The following CEP63 variants were observed in gnomAD, a reference collection of about 807,000 sequenced individuals.
CEP63 encodes the protein centrosomal protein 63.
In CEP63, 84 loss-of-function variants were observed where a neutral mutation model predicts 89.1. The observed-to-expected ratio is 0.94, with a 90% confidence interval of 0.79 to 1.13. The LOEUF (loss-of-function observed/expected upper bound fraction) is 1.13, where lower values mean the gene tolerates loss of function less well. Ranked by LOEUF, CEP63 falls within the 50% of genes most tolerant of loss-of-function variation. The pLI, the probability that CEP63 is intolerant of heterozygous loss-of-function variation, is 0.00. For missense variants in CEP63, 838 were observed against 813.3 expected (o/e 1.03, Z -0.37); for synonymous variants, 267 against 272.5 (o/e 0.98, Z 0.20).
chr3:134,529,154 A>G (rs1191967298), intron 3 of CEP63, among the ~76,000 whole-genome samples: 3 of 152,104 alleles, frequency 2.0e-5, no homozygotes, highest in Non-Finnish European at 4.4e-5. Flanking sequence ...TTAGTATAGT[A>G]TACTTTTTAT....
the CEP63 span, among the ~76,000 whole-genome samples, chr3:134,671,976 G>T: frequency 1.3e-5 from 2 of 152,166 alleles, no homozygotes; most frequent in African/African-American, 4.8e-5. Context: ...GGGCTGGCCA[G>T]AGCTGTCCTC....
chr3:134,594,435 T>C, the CEP63 span, among the ~76,000 whole-genome samples: 2 of 152,100 alleles, frequency 1.3e-5, no homozygotes, highest in African/African-American at 4.8e-5. Flanking sequence ...CAGTCAGCCA[T>C]TCCCCCTGAT....
chr3:134,526,151 A>G (rs1377702897), intron 3 of CEP63, among the ~76,000 whole-genome samples: 2 of 151,694 alleles, frequency 1.3e-5, no homozygotes, highest in Non-Finnish European at 2.9e-5. Context: ...TTTTTTCTCT[A>G]TTCTTGCCTG....
intron 11 of CEP63, chr3:134,574,680 T>G: frequency 2.3e-6 from 1 of 430,814 alleles, no homozygotes; most frequent in African/African-American, 2.0e-5. Context: ...CAGTCACGGC[T>G]TACTGCAACC....
the CEP63 span, among the ~76,000 whole-genome samples, chr3:134,737,730 C>T: frequency 6.6e-6 from 1 of 152,130 alleles, no homozygotes; most frequent in Non-Finnish European, 1.5e-5. Context: ...ATGTCTGGCA[C>T]CTTAGATTGG....
the CEP63 span, among the ~76,000 whole-genome samples, chr3:134,684,757 G>A: frequency 6.6e-6 from 1 of 152,316 alleles, no homozygotes; most frequent in South Asian, 2.1e-4. Context: ...ATACCTTTGG[G>A]TTTGTATTTG....
the CEP63 span, chr3:134,604,552 C>G: frequency 1.5e-6 from 2 of 1,298,390 alleles, no homozygotes; most frequent in East Asian, 2.3e-5. Context: ...ACAACTGTCT[C>G]CCTGGGAGAA....
intron 13 of CEP63, 34 bp downstream of exon 13, chr3:134,558,381 A>T: frequency 7.6e-7 from 1 of 1,310,658 alleles, no homozygotes; most frequent in Non-Finnish European, 1.1e-6. Flanking sequence ...TAAAATGTGT[A>T]TTGGTACAAT....
the CEP63 span, among the ~76,000 whole-genome samples, chr3:134,697,928 C>T: frequency 6.6e-6 from 1 of 152,170 alleles, no homozygotes; most frequent in African/African-American, 2.4e-5. Flanking sequence ...GGGCCTGGAG[C>T]AGAATGTGGG....
At chr3:134,702,313 C>T in the CEP63 span, among the ~76,000 whole-genome samples, 1 of 151,588 alleles carries the variant, frequency 6.6e-6, no homozygotes, top group African/African-American at 2.4e-5. Flanking sequence ...AGATTAAATG[C>T]TATACCCATT....
At chr3:134,613,463 A>G in the CEP63 span, among the ~76,000 whole-genome samples, 1 of 152,118 alleles carries the variant, frequency 6.6e-6, no homozygotes, top group African/African-American at 2.4e-5. Flanking sequence ...TACTGCTCTG[A>G]GTGGGGGTGA....
In CEP63 at chr3:134,529,604, G is replaced by A. The variant is rs1038164340; in HGVS notation, c.223-2241G>A. ...GATCCGCCTGCCTTGGCCTCCCAAA[G>A]TGCTGTGACTACAGGTGTGAGCCAC... On this transcript the variant is annotated intron_variant, in intron 3 of 14. Transcript: ENST00000675561. 1.8e-4 allele frequency among the ~76,000 whole-genome samples: 28 copies of A among 152,084 alleles called. No individual in the cohort carries two copies. In the East Asian group the frequency reaches 5.1e-3, roughly 27 times the overall value.
chr3:134,679,860 C>A, the CEP63 span, among the ~76,000 whole-genome samples: 4 of 152,152 alleles, frequency 2.6e-5, no homozygotes, highest in African/African-American at 9.7e-5. Context: ...GTAGCTGGGA[C>A]TACAGGAGTG....
chr3:134,750,651 G>A, the CEP63 span, among the ~76,000 whole-genome samples: 5 of 152,116 alleles, frequency 3.3e-5, no homozygotes, highest in Non-Finnish European at 7.3e-5. Context: ...GCTCATCTGT[G>A]CATGGGTCTG....
the CEP63 span, among the ~76,000 whole-genome samples, chr3:134,596,038 G>A: frequency 1.8e-4 from 22 of 124,020 alleles, no homozygotes; most frequent in Non-Finnish European, 3.4e-4. Flanking sequence ...GCTTTCCCGT[G>A]GAAAGGTTTG....
intron 3 of CEP63, among the ~76,000 whole-genome samples, chr3:134,517,718 G>A (rs1229886169): frequency 6.6e-6 from 1 of 152,170 alleles, no homozygotes; most frequent in Non-Finnish European, 1.5e-5. Flanking sequence ...TCATGGATCA[G>A]TGAGGAAATC....
the CEP63 span, among the ~76,000 whole-genome samples, chr3:134,605,893 A>G: frequency 1.3e-5 from 2 of 152,004 alleles, no homozygotes; most frequent in African/African-American, 2.4e-5. Flanking sequence ...CTTAACTCCA[A>G]TGCCATTGCT....
chr3:134,549,110 G>A lies in CEP63; in HGVS notation c.1116G>A (p.Met372Ile). ...ATCKQLSQEL[M>I]EKYEELKRME... ...GTAAACAGCTGAGCCAAGAACTAAT[G>A]GAAAAATATGAAGAACTGAAGAGGA... The change falls in exon 10 of 15, where the codon ATG becomes ATA. Residue 372 changes from methionine to isoleucine, a missense_variant. Physicochemically the swap from Met to Ile is conservative, Grantham distance 10. Coordinates refer to ENST00000675561, the MANE Select transcript of CEP63 (RefSeq NM_001353108.3). 31 of 1,613,616 alleles carry A rather than the reference G, an allele frequency of 1.9e-5. No individual in the cohort carries two copies. Among genetic ancestry groups the A allele is most frequent in the Non-Finnish European group, 2.6e-5 (31 of 1,179,648 alleles).
chr3:134,544,636 T>TGG (rs10662414), intron 6 of CEP63, among the ~76,000 whole-genome samples: 81,059 of 144,408 alleles, frequency 0.56, 23,088 homozygotes, highest in East Asian at 0.76. Context: ...ATGCTCTAGG[T>TGG]GGGGGGGGGA....
Sources: allele counts gnomAD v4.1 joint callset (sites outside exome capture counted in the v4.1 genomes callset), GRCh38; gene constraint gnomAD v4.1.1; transcripts MANE v1.5; gene names NCBI Gene and HGNC (gene_info 2026-07-23, HGNC 2026-07-21).